Variants in NEDD8 observed in about 807,000 individuals in gnomAD.
NEDD8 encodes the protein ubiquitin-like protein NEDD8.
In NEDD8, 1 loss-of-function variant was observed where a neutral mutation model predicts 13.8. That is an observed-to-expected ratio of 0.07 (90% CI 0.03 to 0.34). The LOEUF (loss-of-function observed/expected upper bound fraction) is 0.34, where lower values mean the gene tolerates loss of function less well. Among genes scored for constraint, NEDD8 ranks in the 10% least tolerant of loss-of-function variants. NEDD8 has a pLI of 0.99. For synonymous variants in NEDD8, 31 were observed against 33.2 expected (o/e 0.93, Z 0.23); for missense variants, 10 against 95.2 (o/e 0.10, Z 3.73).
At chr14:24,232,133 G>T in intron 1 of NEDD8, 117 bp downstream of exon 1, 1 of 1,538,572 alleles carries the variant, frequency 6.5e-7, no homozygotes, top group Non-Finnish European at 8.9e-7. Flanking sequence ...GGAGCCCTGA[G>T]GCAGTCAGCG....
chr14:24,218,516 G>T, intron 1 of NEDD8, 85 bp from the exon 2 acceptor site: 1 of 1,587,634 alleles, frequency 6.3e-7, no homozygotes, highest in South Asian at 1.1e-5. Context: ...TGGTCTTTGG[G>T]ATCTACTGCC....
At chr14:24,230,863 C>T in intron 1 of NEDD8, among the ~76,000 whole-genome samples, 1 of 152,134 alleles carries the variant, frequency 6.6e-6, no homozygotes, top group East Asian at 1.9e-4. Context: ...GGTGATCCAC[C>T]CACCTCGGCC....
At chr14:24,232,213 T>G (rs1358436059) in intron 1 of NEDD8, 37 bp downstream of exon 1, 1 of 1,614,020 alleles carries the variant, frequency 6.2e-7, no homozygotes. Flanking sequence ...GCCAGCCCAG[T>G]ACTACTGCGT....
At position 24,216,992 on chromosome 14, in the gene NEDD8, C is replaced by T. The variant is rs2039712955; in HGVS notation, c.*135G>A. On this transcript the variant is annotated 3_prime_UTR_variant, in exon 4 of 4. Transcript: ENST00000250495. ...CAGGAATACTGAATCCTGGGATCCTCACAGTCTCCCACCAGTAGACATACA... is the reference window on the plus strand; with the variant it reads ...CAGGAATACTGAATCCTGGGATCCTTACAGTCTCCCACCAGTAGACATACA... 1.4e-6 allele frequency: 1 copy of T among 716,946 alleles called. No individual in the cohort carries two copies. The highest frequency in any genetic ancestry group is 2.3e-6 in the Non-Finnish European group (1 of 432,272). The allele number at this position is 716,946 out of a possible 1,614,324, so 44.4% of individuals were successfully genotyped here. A position where few individuals can be genotyped will look rare whatever the true frequency, so the allele number is the denominator to read the frequency against.
At chr14:24,232,161 A>T in intron 1 of NEDD8, 89 bp downstream of exon 1, 1 of 1,601,608 alleles carries the variant, frequency 6.2e-7, no homozygotes, top group Non-Finnish European at 8.5e-7. Flanking sequence ...GGCTAGGGAA[A>T]GGCGTGGTTT....
chr14:24,225,171 CAAAAAAA>C lies in NEDD8; in HGVS notation c.19-6747_19-6741del, dbSNP rs71281817. ...TGGGTGACAGAGCAAGACTCTGTCT[CAAAAAAA>C]AAAAAAAAGAAAAAAAGAAAAACAT... On this transcript the variant is annotated intron_variant, in intron 1 of 3. Coordinates refer to ENST00000250495, the MANE Select transcript of NEDD8 (RefSeq NM_006156.3). 4.0e-5 allele frequency among the ~76,000 whole-genome samples: 5 copies of C among 123,950 alleles called. No individual in the cohort carries two copies. In the Admixed American group the frequency reaches 4.3e-4, roughly 11 times the overall value. 81.3% of individuals were successfully genotyped at this position (123,950 alleles called of 152,430 possible). A position where few individuals can be genotyped will look rare whatever the true frequency, so the allele number is the denominator to read the frequency against.
intron 1 of NEDD8, among the ~76,000 whole-genome samples, chr14:24,224,312 C>A (rs2039856347): frequency 6.6e-6 from 1 of 152,206 alleles, no homozygotes; most frequent in South Asian, 2.1e-4. Context: ...GATCCACCCG[C>A]CTCGGCCTCC....
At chr14:24,224,583 AGCCAAATGTGGCTAATGGCTACCAT>A (rs2039860093) in intron 1 of NEDD8, among the ~76,000 whole-genome samples, 1 of 152,254 alleles carries the variant, frequency 6.6e-6, no homozygotes, top group African/African-American at 2.4e-5. Context: ...AGTGCTCAAT[AGCCAAATGTGGCTAATGGCTACCAT>A]TTTGGACACT....
intron 1 of NEDD8, 50 bp downstream of exon 1, chr14:24,232,200 G>A (rs1402139125): frequency 6.2e-7 from 1 of 1,613,300 alleles, no homozygotes; most frequent in East Asian, 2.2e-5. Context: ...GTAAGGCACT[G>A]CTGCCAGCCC....
At chr14:24,221,133 G>A (rs1290429753) in intron 1 of NEDD8, among the ~76,000 whole-genome samples, 3 of 152,200 alleles carry the variant, frequency 2.0e-5, no homozygotes, top group Non-Finnish European at 4.4e-5. Context: ...ATGGTAAAAT[G>A]AGAAAAGCAG....
At chr14:24,222,306 T>C (rs1471306979) in intron 1 of NEDD8, among the ~76,000 whole-genome samples, 2 of 152,188 alleles carry the variant, frequency 1.3e-5, no homozygotes, top group African/African-American at 4.8e-5. Flanking sequence ...ATATTAACAA[T>C]ATGCTGATAA....
intron 1 of NEDD8, among the ~76,000 whole-genome samples, chr14:24,226,081 T>G (rs2138899588): frequency 6.8e-6 from 1 of 147,648 alleles, no homozygotes; most frequent in Middle Eastern, 3.7e-3. Flanking sequence ...CATACTGCCC[T>G]AGGCACTGGA....
chr14:24,223,156 C>T (rs545030860), intron 1 of NEDD8, among the ~76,000 whole-genome samples: 3 of 148,538 alleles, frequency 2.0e-5, no homozygotes, highest in African/African-American at 7.4e-5. Context: ...AATCTCAACA[C>T]TTTGGGAAGG....
chr14:24,230,911 C>T (rs2039992587), intron 1 of NEDD8, among the ~76,000 whole-genome samples: 1 of 152,050 alleles, frequency 6.6e-6, no homozygotes, highest in Non-Finnish European at 1.5e-5. Flanking sequence ...AGCCACTGGG[C>T]CCGGCCTTTT....
intron 1 of NEDD8, chr14:24,218,642 T>C: frequency 1.6e-6 from 1 of 638,660 alleles, no homozygotes; most frequent in Non-Finnish European, 2.7e-6. Context: ...GCAAGATTCT[T>C]TGAACCATCT....
intron 3 of NEDD8, 136 bp downstream of exon 3, chr14:24,217,997 G>GAA: frequency 9.8e-7 from 1 of 1,022,240 alleles, no homozygotes; most frequent in South Asian, 1.6e-5. Context: ...AAGGGGCTTA[G>GAA]AGGCTTCACC....
At chr14:24,232,113 C>T in intron 1 of NEDD8, 137 bp downstream of exon 1, 1 of 1,387,670 alleles carries the variant, frequency 7.2e-7, no homozygotes, top group Non-Finnish European at 9.9e-7. Context: ...TTTCCCACCA[C>T]CCCTCGCGCG....
At chr14:24,228,544 A>G (rs1242491034) in intron 1 of NEDD8, 2 of 151,998 alleles carry the variant, frequency 1.3e-5, no homozygotes, top group African/African-American at 4.8e-5. Context: ...ATGAGACCGC[A>G]TCTCTACAAA....
chr14:24,226,039 C>CAAA (rs1228074409), intron 1 of NEDD8, among the ~76,000 whole-genome samples: 1 of 105,808 alleles, frequency 9.5e-6, no homozygotes, highest in African/African-American at 3.5e-5. Flanking sequence ...ACTCCATCTC[C>CAAA]AAAAAAAAAA....
Sources: gnomAD v4.1 joint callset for allele counts (sites outside exome capture counted in the v4.1 genomes callset) on GRCh38, gnomAD v4.1.1 for gene constraint, MANE v1.5 for transcripts, NCBI Gene and HGNC (gene_info 2026-07-23, HGNC 2026-07-21) for gene names.